The following PDGFC variants were observed in gnomAD, a reference collection of about 807,000 sequenced individuals.
PDGFC encodes the protein platelet derived growth factor C.
A neutral mutation model predicts 35.5 loss-of-function variants in PDGFC; 12 were observed. That is an observed-to-expected ratio of 0.34 (90% CI 0.22 to 0.55). The LOEUF is 0.55. Ranked by LOEUF, PDGFC falls within the 20% of genes least tolerant of loss-of-function variation. The pLI is 0.91. For missense variants in PDGFC, 322 were observed against 412.4 expected (o/e 0.78, Z 1.90); for synonymous variants, 159 against 148.8 (o/e 1.07, Z -0.50).
At chr4:156,901,131 T>A (rs994351484) in intron 1 of PDGFC, among the ~76,000 whole-genome samples, 22 of 152,172 alleles carry the variant, frequency 1.4e-4, no homozygotes, top group African/African-American at 4.8e-4. Flanking sequence ...TCCTTTGGTA[T>A]GTTTCTTAAA....
chr4:156,945,405 A>T (rs1409777836), intron 1 of PDGFC, among the ~76,000 whole-genome samples: 1 of 139,180 alleles, frequency 7.2e-6, no homozygotes, highest in Non-Finnish European at 1.6e-5. Context: ...AGTAGGGAAA[A>T]TTCACAACAG....
intron 1 of PDGFC, among the ~76,000 whole-genome samples, chr4:156,858,705 T>C (rs1253289161): frequency 6.6e-6 from 1 of 152,130 alleles, no homozygotes; most frequent in Non-Finnish European, 1.5e-5. Flanking sequence ...TCTAAAATAT[T>C]TGAAGCAGAA....
chr4:156,828,166 T>C (rs1728833149), intron 2 of PDGFC, among the ~76,000 whole-genome samples: 1 of 152,242 alleles, frequency 6.6e-6, no homozygotes, highest in Non-Finnish European at 1.5e-5. Flanking sequence ...GATCTCTGAC[T>C]ACTGCAGACC....
chr4:156,915,916 A>G (rs1731147578), intron 1 of PDGFC, among the ~76,000 whole-genome samples: 1 of 152,132 alleles, frequency 6.6e-6, no homozygotes, highest in South Asian at 2.1e-4. Context: ...GACCAAAAGA[A>G]AATTCTGTGG....
chr4:156,812,970 T>C (rs899727145), intron 2 of PDGFC, among the ~76,000 whole-genome samples: 1 of 152,038 alleles, frequency 6.6e-6, no homozygotes, highest in African/African-American at 2.4e-5. Context: ...CTATATCACA[T>C]GAGAAGTCCA....
intron 3 of PDGFC, among the ~76,000 whole-genome samples, chr4:156,783,271 C>T (rs918834424): frequency 6.6e-6 from 1 of 151,984 alleles, no homozygotes; most frequent in Non-Finnish European, 1.5e-5. Flanking sequence ...TTTGTGTGTG[C>T]CATGCTATGG....
intron 1 of PDGFC, among the ~76,000 whole-genome samples, chr4:156,966,624 G>T (rs988881368): frequency 2.0e-5 from 3 of 151,488 alleles, no homozygotes; most frequent in Non-Finnish European, 4.4e-5. Context: ...ATATACAGAA[G>T]ATATTTAAGA....
chr4:156,962,610 T>G (rs1487630007), intron 1 of PDGFC, among the ~76,000 whole-genome samples: 3 of 152,142 alleles, frequency 2.0e-5, no homozygotes, highest in Non-Finnish European at 4.4e-5. Flanking sequence ...CATACATATT[T>G]GCTGAATGAA....
chr4:156,925,698 G>A (rs1193550637), intron 1 of PDGFC, among the ~76,000 whole-genome samples: 1 of 150,868 alleles, frequency 6.6e-6, no homozygotes, highest in East Asian at 1.9e-4. Context: ...TACAGTATTT[G>A]AAGGCAAGAG....
intron 1 of PDGFC, among the ~76,000 whole-genome samples, chr4:156,893,597 A>G (rs1445035210): frequency 6.6e-6 from 1 of 151,906 alleles, no homozygotes; most frequent in East Asian, 1.9e-4. Context: ...TTGGCCTCCC[A>G]AAGTTGCTGG....
intron 2 of PDGFC, among the ~76,000 whole-genome samples, chr4:156,822,618 C>T (rs1204194528): frequency 1.3e-5 from 2 of 152,040 alleles, no homozygotes; most frequent in Non-Finnish European, 2.9e-5. Context: ...AGTCTTCAAA[C>T]ACAGCCCCAT....
chr4:156,801,372 C>T (rs1189367707), intron 3 of PDGFC, among the ~76,000 whole-genome samples: 1 of 152,206 alleles, frequency 6.6e-6, no homozygotes, highest in African/African-American at 2.4e-5. Context: ...TAAACTCTAT[C>T]TCCATTGCAA....
intron 2 of PDGFC, among the ~76,000 whole-genome samples, chr4:156,812,904 G>C (rs1731977592): frequency 6.6e-6 from 1 of 152,010 alleles, no homozygotes; most frequent in Non-Finnish European, 1.5e-5. Context: ...CATAACCTTG[G>C]AAGCTTAAAA....
At chr4:156,837,959 G>A (rs1240128539) in intron 2 of PDGFC, among the ~76,000 whole-genome samples, 2 of 151,416 alleles carry the variant, frequency 1.3e-5, no homozygotes, top group Admixed American at 6.6e-5. Flanking sequence ...TCTATTTTAA[G>A]CCCTCTTGGG....
rs35403686 is a variant in PDGFC at position 156,780,107 on chromosome 4, G to GTTTT, written c.496-7218_496-7215dup. 5.3e-3 allele frequency among the ~76,000 whole-genome samples: 667 copies of GTTTT among 124,976 alleles called. 6 individuals are homozygous for GTTTT. Among genetic ancestry groups the GTTTT allele is most frequent in the African/African-American group, 0.012 (402 of 34,130 alleles). 82.0% of individuals were successfully genotyped at this position (124,976 alleles called of 152,430 possible). A position where few individuals can be genotyped will look rare whatever the true frequency, so the allele number is the denominator to read the frequency against. On this transcript the variant is annotated intron_variant, in intron 3 of 5. Coordinates refer to ENST00000502773, the MANE Select transcript of PDGFC (RefSeq NM_016205.3). ...GCATCTGTGGGAAGCCAAAATTAAG[G>GTTTT]TTTTTTTTTTTTTTTTTTTTTACTA...
intron 3 of PDGFC, among the ~76,000 whole-genome samples, chr4:156,792,022 G>A (rs1192469802): frequency 6.6e-6 from 1 of 152,102 alleles, no homozygotes; most frequent in Non-Finnish European, 1.5e-5. Flanking sequence ...GATCAACAGG[G>A]ATATTTAAAA....
intron 2 of PDGFC, among the ~76,000 whole-genome samples, chr4:156,834,255 T>A (rs1729010692): frequency 6.6e-6 from 1 of 152,184 alleles, no homozygotes; most frequent in Admixed American, 6.5e-5. Context: ...CAGCATGATA[T>A]CAAACTATTA....
intron 1 of PDGFC, among the ~76,000 whole-genome samples, chr4:156,871,077 G>A (rs907190250): frequency 6.6e-6 from 1 of 152,088 alleles, no homozygotes; most frequent in African/African-American, 2.4e-5. Flanking sequence ...GAAAAACAAT[G>A]TGAAAAGGAA....
At chr4:156,861,525 T>G (rs1310036859) in intron 1 of PDGFC, 1 of 845,954 alleles carries the variant, frequency 1.2e-6, no homozygotes, top group Non-Finnish European at 1.7e-6. Context: ...TTGAGTCTTT[T>G]GGTGACCTCA....
Sources: gnomAD v4.1 joint callset for allele counts (sites outside exome capture counted in the v4.1 genomes callset) on GRCh38, gnomAD v4.1.1 for gene constraint, MANE v1.5 for transcripts, NCBI Gene and HGNC (gene_info 2026-07-23, HGNC 2026-07-21) for gene names.